Variants in ZHX3 observed in about 807,000 individuals in gnomAD.
The protein encoded by ZHX3 is zinc fingers and homeoboxes protein 3.
Under a neutral mutation model 64.5 loss-of-function variants are expected in ZHX3, and 20 were observed. The ratio of observed to expected loss-of-function variants is 0.31; its 90% CI spans 0.22 to 0.45. The LOEUF (loss-of-function observed/expected upper bound fraction) is 0.45. ZHX3 is among the 20% of genes least tolerant of loss of function. The pLI is 1.00. For synonymous variants in ZHX3, 423 were observed against 461.6 expected (o/e 0.92, Z 1.07); for missense variants, 1,041 against 1,195.8 (o/e 0.87, Z 1.91).
intron 1 of ZHX3, among the ~76,000 whole-genome samples, chr20:41,316,599 A>G (rs1181388333): frequency 6.6e-6 from 1 of 152,248 alleles, no homozygotes; most frequent in Non-Finnish European, 1.5e-5. Context: ...AATATATACT[A>G]TGTGTTCACA....
intron 2 of ZHX3, among the ~76,000 whole-genome samples, chr20:41,218,962 C>A (rs964773581): frequency 3.5e-5 from 5 of 142,170 alleles, no homozygotes; most frequent in African/African-American, 1.3e-4. Context: ...CGGAGTCTCG[C>A]TCTGTCGCCT....
chr20:41,270,174 G>A (rs1302515325), intron 1 of ZHX3, among the ~76,000 whole-genome samples: 1 of 150,984 alleles, frequency 6.6e-6, no homozygotes, highest in East Asian at 2.0e-4. Flanking sequence ...GGCGGATCAC[G>A]AAGTCAAGAG....
intron 2 of ZHX3, among the ~76,000 whole-genome samples, chr20:41,206,039 T>G (rs755681855): frequency 6.6e-6 from 1 of 152,202 alleles, no homozygotes; most frequent in Non-Finnish European, 1.5e-5. Flanking sequence ...AAACAGGGTC[T>G]GGAGTGGACC....
At chr20:41,199,575 T>C (rs554524979) in intron 3 of ZHX3, among the ~76,000 whole-genome samples, 3 of 151,308 alleles carry the variant, frequency 2.0e-5, no homozygotes, top group Non-Finnish European at 4.4e-5. Context: ...AAAAAAAAAA[T>C]AGGTACTGTC....
At position 41,283,870 on chromosome 20, in the gene ZHX3, A is replaced by G. The variant is rs1329949737; in HGVS notation, c.-244-14787T>C. Among the ~76,000 whole-genome samples, 3 of 152,238 alleles carry G rather than the reference A, an allele frequency of 2.0e-5. No individual in the cohort carries two copies. The East Asian group carries it at 5.8e-4, about 29-fold the overall frequency. On this transcript the variant is annotated intron_variant, in intron 1 of 3. Transcript: ENST00000683867. ...CCAGAACCCAGCTCCTCTTAGGAACAGTAATGGATAATTACTTTCAAAAGG... is the reference window on the plus strand; with the variant it reads ...CCAGAACCCAGCTCCTCTTAGGAACGGTAATGGATAATTACTTTCAAAAGG...
At position 41,185,361 on chromosome 20, in the gene ZHX3, A is replaced by G. The variant is rs2146099640; in HGVS notation, c.2861-160T>C. On this transcript the variant is annotated intron_variant, in intron 3 of 3. Coordinates refer to ENST00000683867, the MANE Select transcript of ZHX3 (RefSeq NM_001384317.1). The surrounding 1 kb of genome is among the most constrained non-coding windows in gnomAD (Gnocchi z 5.0). Reference sequence around the variant, plus strand: ...TCTGCCACCCACTCCCCCACCCTCCAGCCTGAGGGAATGTGGGTTAAGGAC... The same window carrying G: ...TCTGCCACCCACTCCCCCACCCTCCGGCCTGAGGGAATGTGGGTTAAGGAC... Among the ~76,000 whole-genome samples, 1 of 152,184 alleles carries G rather than the reference A, an allele frequency of 6.6e-6. No homozygotes were observed. The highest frequency in any genetic ancestry group is 1.5e-5 in the Non-Finnish European group (1 of 68,006).
At position 41,232,802 on chromosome 20, in the gene ZHX3, G is replaced by A. The variant is rs2040709408; in HGVS notation, c.-150-27736C>T. On this transcript the variant is annotated intron_variant, in intron 2 of 3. Transcript: ENST00000683867. The surrounding 1 kb of genome is among the most constrained non-coding windows in gnomAD (Gnocchi z 5.0). ...GGGTTTCACCGTGTTAGCCAGGATA[G>A]TCTCGATCTCCTGACCTCGTGATCC... is the stretch of plus-strand genomic sequence containing the variant. 6.6e-6 allele frequency among the ~76,000 whole-genome samples: 1 copy of A among 151,926 alleles called. No individual in the cohort carries two copies.
rs2039203518 is a variant in ZHX3, at chr20:41,212,160, T to C, written c.-150-7094A>G. Among the ~76,000 whole-genome samples the C allele has an allele frequency of 6.6e-6, 1 of 152,184 alleles. No individual in the cohort carries two copies. The highest frequency in any genetic ancestry group is 2.4e-5 in the African/African-American group (1 of 41,438). ...CAAATCATCTATCTGGTAAAGTATATCCAGATTATATAAATAACTTACAAC... is the reference window on the plus strand; with the variant it reads ...CAAATCATCTATCTGGTAAAGTATACCCAGATTATATAAATAACTTACAAC... On this transcript the variant is annotated intron_variant, in intron 2 of 3. Coordinates refer to ENST00000683867, the MANE Select transcript of ZHX3 (RefSeq NM_001384317.1). This position sits in a 1 kb window ranked among gnomAD's most constrained non-coding sequence, Gnocchi z 4.3.
At chr20:41,270,510 C>T (rs1021542279) in intron 1 of ZHX3, among the ~76,000 whole-genome samples, 8 of 151,782 alleles carry the variant, frequency 5.3e-5, no homozygotes, top group Non-Finnish European at 1.0e-4. Context: ...CCTGTCTCTA[C>T]TAAAAATACA....
At chr20:41,283,491 G>A (rs979027485) in intron 1 of ZHX3, among the ~76,000 whole-genome samples, 1 of 152,200 alleles carries the variant, frequency 6.6e-6, no homozygotes, top group Non-Finnish European at 1.5e-5. Flanking sequence ...AGGTGTGGTA[G>A]CTCACGCCTG....
chr20:41,185,183 G>C lies in ZHX3; in HGVS notation c.*8C>G, dbSNP rs372301780. 10 of 1,609,318 alleles carry C rather than the reference G, an allele frequency of 6.2e-6. No individual in the cohort carries two copies. In the African/African-American group the frequency reaches 1.3e-4, roughly 22 times the overall value. ...ACTGGCCAGTCCTTCACATTAATCAGATCAAATTCAGTCTGTTTCTGAGAA... is the reference window on the plus strand; with the variant it reads ...ACTGGCCAGTCCTTCACATTAATCACATCAAATTCAGTCTGTTTCTGAGAA... On this transcript the variant is annotated 3_prime_UTR_variant, in exon 4 of 4. Coordinates refer to ENST00000683867, the MANE Select transcript of ZHX3 (RefSeq NM_001384317.1). The surrounding 1 kb of genome is among the most constrained non-coding windows in gnomAD (Gnocchi z 5.0).
chr20:41,280,098 A>C (rs879900982), intron 1 of ZHX3, among the ~76,000 whole-genome samples: 28 of 152,166 alleles, frequency 1.8e-4, no homozygotes, highest in South Asian at 4.2e-4. Context: ...CAATGCACAC[A>C]CCCACCCAGA....
At chr20:41,213,513 G>A (rs1238287802) in intron 2 of ZHX3, among the ~76,000 whole-genome samples, 1 of 152,150 alleles carries the variant, frequency 6.6e-6, no homozygotes, top group Non-Finnish European at 1.5e-5. Context: ...CAGAGGAGAG[G>A]GAAGAGAGAT....
intron 1 of ZHX3, among the ~76,000 whole-genome samples, chr20:41,306,214 A>G (rs1035416387): frequency 1.3e-5 from 2 of 152,336 alleles, no homozygotes; most frequent in African/African-American, 4.8e-5. Context: ...GAAGCCACAG[A>G]GAAGTGAAAA....
intron 2 of ZHX3, among the ~76,000 whole-genome samples, chr20:41,267,140 A>AC (rs1306719021): frequency 6.6e-6 from 1 of 152,064 alleles, no homozygotes; most frequent in Non-Finnish European, 1.5e-5. Context: ...AGCCACCGGC[A>AC]CCTGGCCTAA....
chr20:41,193,056 G>A (rs764815228), intron 3 of ZHX3, among the ~76,000 whole-genome samples: 5 of 152,000 alleles, frequency 3.3e-5, no homozygotes, highest in South Asian at 2.1e-4. Flanking sequence ...TCTCTTTTCC[G>A]TGAATTCCAG....
chr20:41,255,724 A>C (rs990057290), intron 2 of ZHX3, among the ~76,000 whole-genome samples: 3 of 152,156 alleles, frequency 2.0e-5, no homozygotes, highest in African/African-American at 7.2e-5. Flanking sequence ...AGTTAGTGCC[A>C]CTCTAGTTGT....
At chr20:41,274,760 T>C (rs1405429473) in intron 1 of ZHX3, among the ~76,000 whole-genome samples, 2 of 152,240 alleles carry the variant, frequency 1.3e-5, no homozygotes, top group Non-Finnish European at 2.9e-5. Flanking sequence ...TAGTGATGTT[T>C]GGTGTCAACT....
chr20:41,310,801 A>ATTT (rs72312127), intron 1 of ZHX3, among the ~76,000 whole-genome samples: 12 of 82,140 alleles, frequency 1.5e-4, no homozygotes, highest in South Asian at 5.0e-4. Flanking sequence ...GTTAATTCTG[A>ATTT]TTTTTTTTTT....
Sources: allele counts gnomAD v4.1 joint callset (sites outside exome capture counted in the v4.1 genomes callset), GRCh38; gene constraint gnomAD v4.1.1; non-coding constraint Gnocchi (gnomAD v3.1); transcripts MANE v1.5; gene names NCBI Gene and HGNC (gene_info 2026-07-23, HGNC 2026-07-21).